PARD3B: variants seen among roughly 807,000 people sequenced by gnomAD.
The protein encoded by PARD3B is par-3 family cell polarity regulator beta, also known as partitioning defective 3 homolog B.
Under a neutral mutation model 130.2 loss-of-function variants are expected in PARD3B, and 103 were observed. The ratio of observed to expected loss-of-function variants is 0.79; its 90% CI spans 0.67 to 0.93. The LOEUF (loss-of-function observed/expected upper bound fraction) is 0.93, where lower values mean the gene tolerates loss of function less well. Among genes scored for constraint, PARD3B ranks in the 40% least tolerant of loss-of-function variants. The pLI is 0.00. For missense variants in PARD3B, 1,609 were observed against 1,499.2 expected (o/e 1.07, Z -1.21); for synonymous variants, 583 against 553.2 (o/e 1.05, Z -0.76).
chr2:205,085,653 G>A (rs1701699382), intron 4 of PARD3B, among the ~76,000 whole-genome samples: 1 of 151,688 alleles, frequency 6.6e-6, no homozygotes, highest in South Asian at 2.1e-4. Context: ...AACCATTGGG[G>A]TTTTCACCTT....
At chr2:204,926,426 G>T (rs997101145) in intron 2 of PARD3B, among the ~76,000 whole-genome samples, 3 of 152,040 alleles carry the variant, frequency 2.0e-5, no homozygotes, top group Admixed American at 2.0e-4. Flanking sequence ...AGGTGAAATT[G>T]TTCTCTGAGG....
rs1156899897 is a variant in PARD3B, at chr2:204,745,141, G to A, written c.222+58859G>A. Among the ~76,000 whole-genome samples the A allele has an allele frequency of 2.6e-5, 4 of 152,136 alleles. No individual in the cohort carries two copies. In the East Asian group the frequency reaches 7.7e-4, roughly 29 times the overall value. On this transcript the variant is annotated intron_variant, in intron 2 of 22. Transcript: ENST00000406610. ...ATAGAAAGATGGAGGATAGAAGATG[G>A]AATTCCAGAATCGATGATGTTGGAG...
In PARD3B at chr2:205,530,142, T is replaced by C. The variant is rs1292152710; in HGVS notation, c.3181-23182T>C. Among the ~76,000 whole-genome samples the C allele has an allele frequency of 6.6e-6, 1 of 152,104 alleles. No individual in the cohort carries two copies. Among genetic ancestry groups the C allele is most frequent in the Admixed American group, 6.6e-5 (1 of 15,264 alleles). ...CACACAGGAGCATGTGGAAAGGAAA[T>C]AATATGCACATCTAACCTTACAGCT... On this transcript the variant is annotated intron_variant, in intron 21 of 22. Coordinates refer to ENST00000406610, the MANE Select transcript of PARD3B (RefSeq NM_001302769.2). The surrounding 1 kb of genome is among the most constrained non-coding windows in gnomAD (Gnocchi z 4.7).
At position 205,105,822 on chromosome 2, in the gene PARD3B, A is replaced by C. The variant is rs147590080; in HGVS notation, c.593+1308A>C. ...GATATGGGGTAGGGAGTAATAGAAA[A>C]TCTTCAAGCACCATCTTTTCAGAAA... On this transcript the variant is annotated intron_variant, in intron 5 of 22. Transcript: ENST00000406610. The surrounding 1 kb of genome is among the most constrained non-coding windows in gnomAD (Gnocchi z 4.0). Among the ~76,000 whole-genome samples the C allele has an allele frequency of 1.3e-5, 2 of 151,774 alleles. No homozygotes were observed. Among genetic ancestry groups the C allele is most frequent in the East Asian group, 3.9e-4 (2 of 5,154 alleles).
chr2:205,389,665 T>C lies in PARD3B; in HGVS notation c.2631-11348T>C, dbSNP rs150278969. Among the ~76,000 whole-genome samples, 906 of 152,330 alleles carry C rather than the reference T, an allele frequency of 5.9e-3. 6 individuals are homozygous for C. Among genetic ancestry groups the C allele is most frequent in the African/African-American group, 0.021 (856 of 41,580 alleles). On this transcript the variant is annotated intron_variant, in intron 18 of 22. Coordinates refer to ENST00000406610, the MANE Select transcript of PARD3B (RefSeq NM_001302769.2). ...GGCCTGTTATTTAAAATTCTCTTAA[T>C]GGTAGGATGCAATCTAATGTCAAAG...
chr2:205,248,492 A>T (rs141452995), intron 16 of PARD3B, among the ~76,000 whole-genome samples: 1 of 151,884 alleles, frequency 6.6e-6, no homozygotes, highest in East Asian at 1.9e-4. Flanking sequence ...TCATTTTTTA[A>T]ATTCATTTAA....
intron 18 of PARD3B, among the ~76,000 whole-genome samples, chr2:205,378,726 G>C (rs1210737172): frequency 2.0e-5 from 3 of 150,890 alleles, no homozygotes; most frequent in Admixed American, 2.0e-4. Context: ...CCGCCTCCCA[G>C]GTTCAAGTGA....
rs956031747 is a variant in PARD3B, at chr2:205,563,819, A to G, written c.3260+10416A>G. Among the ~76,000 whole-genome samples, 2 of 152,208 alleles carry G rather than the reference A, an allele frequency of 1.3e-5. No individual in the cohort carries two copies. Among genetic ancestry groups the G allele is most frequent in the Non-Finnish European group, 2.9e-5 (2 of 68,032 alleles). ...CAATTACCCTGTTCCTGTTGGGAAC[A>G]TACACAGAGATGTGAGTGGCGCCCC... On this transcript the variant is annotated intron_variant, in intron 22 of 22. Transcript: ENST00000406610. The surrounding 1 kb of genome is among the most constrained non-coding windows in gnomAD (Gnocchi z 4.2).
intron 15 of PARD3B, among the ~76,000 whole-genome samples, chr2:205,239,009 A>G (rs2125910095): frequency 6.7e-6 from 1 of 150,086 alleles, no homozygotes; most frequent in Admixed American, 6.7e-5. Context: ...GTGAAAGGCT[A>G]TCATAATCTA....
At chr2:205,333,811 T>C (rs921153371) in intron 18 of PARD3B, among the ~76,000 whole-genome samples, 5 of 152,148 alleles carry the variant, frequency 3.3e-5, no homozygotes, top group African/African-American at 9.7e-5. Context: ...CCCTCTAAGA[T>C]GGTGGTGGGC....
chr2:204,783,922 T>C (rs1172664383), intron 2 of PARD3B, among the ~76,000 whole-genome samples: 2 of 152,144 alleles, frequency 1.3e-5, no homozygotes, highest in African/African-American at 4.8e-5. Flanking sequence ...TAAAAACTAG[T>C]TTCCAGCGTT....
intron 2 of PARD3B, among the ~76,000 whole-genome samples, chr2:204,830,353 G>C (rs542660279): frequency 1.3e-5 from 2 of 152,282 alleles, no homozygotes; most frequent in Admixed American, 6.5e-5. Context: ...TGCTGTTAGA[G>C]TTGTTTAAGT....
chr2:204,828,168 T>A (rs1166632371), intron 2 of PARD3B, among the ~76,000 whole-genome samples: 1 of 152,240 alleles, frequency 6.6e-6, no homozygotes, highest in Non-Finnish European at 1.5e-5. Context: ...TTATTTCTGA[T>A]GCATCACAGT....
At chr2:205,557,534 G>T (rs967968852) in intron 22 of PARD3B, among the ~76,000 whole-genome samples, 1 of 152,158 alleles carries the variant, frequency 6.6e-6, no homozygotes, top group Admixed American at 6.5e-5. Flanking sequence ...TCGGAGTCAG[G>T]CCATGATTAT....
At chr2:204,934,526 G>A (rs989832519) in intron 2 of PARD3B, among the ~76,000 whole-genome samples, 7 of 152,126 alleles carry the variant, frequency 4.6e-5, no homozygotes, top group South Asian at 4.1e-4. Context: ...ACTCAGTGAC[G>A]TGTCCCTTGA....
intron 21 of PARD3B, among the ~76,000 whole-genome samples, chr2:205,551,461 C>G (rs1312897585): frequency 6.6e-6 from 1 of 151,798 alleles, no homozygotes; most frequent in African/African-American, 2.4e-5. Flanking sequence ...TTCTCAATCT[C>G]TCTGTCTGTG....
intron 15 of PARD3B, among the ~76,000 whole-genome samples, chr2:205,202,823 A>T (rs1279906622): frequency 6.6e-6 from 1 of 152,202 alleles, no homozygotes; most frequent in East Asian, 1.9e-4. Flanking sequence ...ATAATTAGAA[A>T]TGAGCTTCTA....
intron 5 of PARD3B, among the ~76,000 whole-genome samples, chr2:205,108,651 TC>T (rs1703405203): frequency 6.6e-6 from 1 of 152,160 alleles, no homozygotes; most frequent in African/African-American, 2.4e-5. Context: ...GACCCGTTTG[TC>T]CTTCTTCAGG....
At position 205,091,220 on chromosome 2, in the gene PARD3B, C is replaced by T. The variant is rs534671430; in HGVS notation, c.505-13206C>T. ...TGGAATAGAAGTTAAGAACATAAGA[C>T]CTTTAGTACTTATGGATTCAACATT... On this transcript the variant is annotated intron_variant, in intron 4 of 22. Coordinates refer to ENST00000406610, the MANE Select transcript of PARD3B (RefSeq NM_001302769.2). The surrounding 1 kb of genome is among the most constrained non-coding windows in gnomAD (Gnocchi z 4.2). 4.0e-4 allele frequency among the ~76,000 whole-genome samples: 61 copies of T among 152,246 alleles called. No homozygotes were observed. Among genetic ancestry groups the T allele is most frequent in the Middle Eastern group, 6.8e-3 (2 of 294 alleles).
Sources: allele counts gnomAD v4.1 joint callset (sites outside exome capture counted in the v4.1 genomes callset), GRCh38; gene constraint gnomAD v4.1.1; non-coding constraint Gnocchi (gnomAD v3.1); transcripts MANE v1.5; gene names NCBI Gene and HGNC (gene_info 2026-07-23, HGNC 2026-07-21).